The following MROH1 variants were observed in gnomAD, a reference collection of about 807,000 sequenced individuals.
MROH1 encodes the protein maestro heat like repeat family member 1.
MROH1 carries 117 observed loss-of-function variants against 116.5 expected under a neutral mutation model. The ratio of observed to expected loss-of-function variants is 1.00; its 90% confidence interval spans 0.86 to 1.17. The LOEUF (loss-of-function observed/expected upper bound fraction) is 1.17. Among genes scored for constraint, MROH1 ranks in the 50% most tolerant of loss-of-function variants. The pLI, the probability that MROH1 is intolerant of heterozygous loss-of-function variation, is 0.00. For missense variants in MROH1, 1,873 were observed against 1,338.5 expected (o/e 1.40, Z -6.23); for synonymous variants, 921 against 583.9 (o/e 1.58, Z -8.32).
In MROH1 at chr8:144,199,153, T is replaced by A; in HGVS notation, c.980T>A (p.Leu327Gln). 4.3e-6 allele frequency: 7 copies of A among 1,613,766 alleles called. No homozygotes were observed. The highest frequency in any genetic ancestry group is 5.9e-6 in the Non-Finnish European group (7 of 1,179,814). ...ICVPVESSSP[L>Q]VMSNQKEVLR... ...GTGCCTGTGGAGTCCTCAAGCCCCC[T>A]GGTGATGAGTAACCAGAAGGAGGTG... The change falls in exon 11 of 44, where the codon CTG becomes CAG. Residue 327 changes from leucine (L) to glutamine (Q), a missense_variant. By Grantham distance (113) the Leu-to-Gln change is moderately radical (BLOSUM62 -2). Transcript: ENST00000326134.
rs965170480 is a variant in MROH1 at position 144,258,470 on chromosome 8, C to T, written c.3792-307C>T. Among the ~76,000 whole-genome samples the T allele has an allele frequency of 4.8e-3, 738 of 152,268 alleles. 6 individuals are homozygous for T. Among genetic ancestry groups the T allele is most frequent in the African/African-American group, 0.016 (679 of 41,552 alleles). The stretch of plus-strand genomic sequence containing the variant: ...GGGTGCCCAGCAGCGTCTGGGTGTC[C>T]GGAAAGGAAGGCCGGTGCAGCCAGA... On this transcript the variant is annotated intron_variant, in intron 35 of 43. Coordinates refer to ENST00000326134, the MANE Select transcript of MROH1 (RefSeq NM_032450.3).
chr8:144,241,847 C>T (rs944360728), intron 22 of MROH1, among the ~76,000 whole-genome samples: 7 of 152,234 alleles, frequency 4.6e-5, no homozygotes, highest in African/African-American at 1.2e-4. Flanking sequence ...GCTGTGCTGG[C>T]GGAGCCTAAG....
At chr8:144,172,298 C>CT (rs1367317920) in intron 4 of MROH1, among the ~76,000 whole-genome samples, 1 of 152,186 alleles carries the variant, frequency 6.6e-6, no homozygotes, top group Non-Finnish European at 1.5e-5. Flanking sequence ...CTGAAGGCTG[C>CT]TATCTGGAGG....
At chr8:144,192,970 AG>A (rs1347450217) in intron 10 of MROH1, 2 of 231,996 alleles carry the variant, frequency 8.6e-6, no homozygotes, top group Non-Finnish European at 1.7e-5. Context: ...GAGAGAGGAG[AG>A]GGGCAGGGAG....
intron 10 of MROH1, among the ~76,000 whole-genome samples, chr8:144,195,768 T>G (rs756663586): frequency 9.9e-5 from 15 of 151,896 alleles, no homozygotes; most frequent in Non-Finnish European, 2.2e-4. Context: ...GCAGTGGCAG[T>G]AACAGCTCAC....
At chr8:144,151,040 G>A (rs1005701465) in intron 1 of MROH1, among the ~76,000 whole-genome samples, 3 of 152,006 alleles carry the variant, frequency 2.0e-5, no homozygotes, top group Non-Finnish European at 2.9e-5. Flanking sequence ...TTGAGGTCAG[G>A]AGTTCGAGAC....
At chr8:144,185,207 C>T (rs1384822429) in intron 7 of MROH1, among the ~76,000 whole-genome samples, 2 of 152,174 alleles carry the variant, frequency 1.3e-5, no homozygotes, top group African/African-American at 4.8e-5. Flanking sequence ...CCGCCTGACC[C>T]TCCCTGGCCT....
At chr8:144,219,009 GT>G (rs1290840365) in intron 12 of MROH1, among the ~76,000 whole-genome samples, 1 of 132,494 alleles carries the variant, frequency 7.5e-6, no homozygotes, top group East Asian at 2.2e-4. Flanking sequence ...TAATTTTTGT[GT>G]TTTTTTTTGT....
intron 4 of MROH1, among the ~76,000 whole-genome samples, chr8:144,168,703 T>A (rs916875128): frequency 6.6e-6 from 1 of 152,080 alleles, no homozygotes; most frequent in Non-Finnish European, 1.5e-5. Context: ...TTTTACTCAC[T>A]AAGTGGAGGC....
At chr8:144,191,899 C>T (rs1828703442) in intron 9 of MROH1, 44 bp downstream of exon 9, 1 of 1,609,006 alleles carries the variant, frequency 6.2e-7, no homozygotes, top group African/African-American at 1.3e-5. Context: ...AGGACCCCTC[C>T]AATCAGACTC....
chr8:144,247,415 T>C lies in MROH1; in HGVS notation c.2986T>C (p.Tyr996His). The change falls in exon 30 of 44, where the codon TAC becomes CAC. Residue 996 changes from tyrosine (Y) to histidine (H), a missense_variant. Physicochemically the swap from Tyr to His is moderately conservative, Grantham distance 83. Coordinates refer to ENST00000326134, the MANE Select transcript of MROH1 (RefSeq NM_032450.3). ...EAVDCVYSLLYLQLGYEGFSR... is the reference protein window; with the variant it reads ...EAVDCVYSLLHLQLGYEGFSR... Reference sequence around the variant, plus strand: ...CGTGGACTGTGTCTACTCCCTGCTGTACCTCCAGCTCGGCTATGAGGGTGA... The same window carrying C: ...CGTGGACTGTGTCTACTCCCTGCTGCACCTCCAGCTCGGCTATGAGGGTGA... The C allele has an allele frequency of 2.6e-6, 2 of 771,382 alleles. No homozygotes were observed. Among genetic ancestry groups the C allele is most frequent in the South Asian group, 2.8e-5 (2 of 72,518 alleles). 47.8% of individuals were successfully genotyped at this position (771,382 alleles called of 1,614,324 possible). A position where few individuals can be genotyped will look rare whatever the true frequency, so the allele number is the denominator to read the frequency against.
intron 12 of MROH1, among the ~76,000 whole-genome samples, chr8:144,203,426 G>A (rs1832099469): frequency 1.3e-5 from 2 of 150,448 alleles, no homozygotes; most frequent in Admixed American, 1.3e-4. Flanking sequence ...TCAGCTCTCT[G>A]TGGAGGGGTT....
chr8:144,179,750 G>A (rs968173483), intron 5 of MROH1, among the ~76,000 whole-genome samples, 164 bp downstream of exon 5: 4 of 152,170 alleles, frequency 2.6e-5, no homozygotes, highest in Non-Finnish European at 4.4e-5. Context: ...AGGGGTGGGG[G>A]GTGGTCCCCT....
intron 10 of MROH1, among the ~76,000 whole-genome samples, chr8:144,198,783 C>T (rs933626359): frequency 1.3e-5 from 2 of 152,128 alleles, no homozygotes; most frequent in Non-Finnish European, 2.9e-5. Context: ...AATCTCTTTT[C>T]CTGCTGCTGG....
intron 4 of MROH1, chr8:144,175,602 C>G (rs1823666979): frequency 1.0e-6 from 1 of 955,298 alleles, no homozygotes; most frequent in Admixed American, 6.2e-5. Flanking sequence ...TTGTCTCCTA[C>G]CTGGGAAGAG....
At chr8:144,210,204 TGA>T (rs901511327) in intron 12 of MROH1, among the ~76,000 whole-genome samples, 2 of 148,850 alleles carry the variant, frequency 1.3e-5, no homozygotes, top group South Asian at 2.1e-4. Context: ...TTTGGGAGCC[TGA>T]GAGGGGCGGA....
At chr8:144,257,976 T>C (rs948260286) in intron 35 of MROH1, among the ~76,000 whole-genome samples, 70 of 152,290 alleles carry the variant, frequency 4.6e-4, no homozygotes, top group African/African-American at 1.5e-3. Context: ...CAGGGCATCC[T>C]CTGCCCCAGA....
At chr8:144,225,057 G>C (rs1837532681) in intron 14 of MROH1, among the ~76,000 whole-genome samples, 1 of 150,340 alleles carries the variant, frequency 6.7e-6, no homozygotes, top group Non-Finnish European at 1.5e-5. Context: ...TAATTTTTTA[G>C]AGACAAGGTC....
At chr8:144,171,612 A>T (rs1164800833) in intron 4 of MROH1, among the ~76,000 whole-genome samples, 1 of 152,196 alleles carries the variant, frequency 6.6e-6, no homozygotes, top group Non-Finnish European at 1.5e-5. Flanking sequence ...AACTCCTGAG[A>T]TCCTCTAAGG....
Sources: gnomAD v4.1 joint callset for allele counts (sites outside exome capture counted in the v4.1 genomes callset) on GRCh38, gnomAD v4.1.1 for gene constraint, MANE v1.5 for transcripts, NCBI Gene and HGNC (gene_info 2026-07-23, HGNC 2026-07-21) for gene names.